Variants in ZNF618 observed in about 807,000 individuals in gnomAD.
ZNF618 encodes the protein zinc finger protein 618.
In ZNF618, 34 loss-of-function variants were observed where a neutral mutation model predicts 103.0. That is an observed-to-expected ratio of 0.33 (90% CI 0.25 to 0.44). The LOEUF (loss-of-function observed/expected upper bound fraction) is 0.44, where lower values mean the gene tolerates loss of function less well. ZNF618 is among the 20% of genes least tolerant of loss of function. The pLI is 1.00. For missense variants in ZNF618, 1,059 were observed against 1,295.4 expected, an observed-to-expected ratio of 0.82 and a Z score of 2.80; for synonymous variants, 551 against 542.2, an observed-to-expected ratio of 1.02 and a Z score of -0.23.
intron 1 of ZNF618, among the ~76,000 whole-genome samples, chr9:113,957,704 G>A (rs368260836): frequency 3.3e-5 from 5 of 152,090 alleles, no homozygotes; most frequent in African/African-American, 1.2e-4. Flanking sequence ...ACCTAAGGGG[G>A]TGACTTAAAG....
chr9:113,889,172 A>G (rs1829359943), intron 1 of ZNF618, among the ~76,000 whole-genome samples: 2 of 152,188 alleles, frequency 1.3e-5, no homozygotes, highest in South Asian at 4.1e-4. Flanking sequence ...TCAGTTGGTC[A>G]GTTCTGGCTC....
intron 1 of ZNF618, among the ~76,000 whole-genome samples, chr9:113,942,504 A>G (rs1282867588): frequency 6.6e-6 from 1 of 152,176 alleles, no homozygotes. Flanking sequence ...AGCTTGATCT[A>G]TATCTGGCAT....
At chr9:113,938,548 C>T (rs1303992209) in intron 1 of ZNF618, among the ~76,000 whole-genome samples, 1 of 149,838 alleles carries the variant, frequency 6.7e-6, no homozygotes, top group South Asian at 2.1e-4. Flanking sequence ...TGTGATTCCT[C>T]CTCCCATTAT....
At chr9:114,046,091 T>G (rs1845623952) in intron 13 of ZNF618, among the ~76,000 whole-genome samples, 1 of 152,272 alleles carries the variant, frequency 6.6e-6, no homozygotes, top group Admixed American at 6.5e-5. Context: ...CTCGCTGAAT[T>G]TATTACTTCT....
intron 6 of ZNF618, among the ~76,000 whole-genome samples, chr9:114,005,762 G>C (rs971712104): frequency 2.6e-5 from 4 of 152,208 alleles, no homozygotes; most frequent in African/African-American, 9.6e-5. Flanking sequence ...TGTCTAAGTT[G>C]ATTGCTGGCT....
Position 114,032,656 on chromosome 9 carries a change from T to G in ZNF618, c.1096T>G (p.Phe366Val). 6.2e-7 allele frequency: 1 copy of G among 1,614,000 alleles called. No homozygotes were observed. Among genetic ancestry groups the G allele is most frequent in the Middle Eastern group, 1.6e-4 (1 of 6,062 alleles). Residue 366 changes from phenylalanine to valine, a missense_variant, in exon 12 of 15, where the codon TTC (phenylalanine) becomes GTC (valine). By Grantham distance (50) the Phe-to-Val change is conservative. Around this residue, in one of 6 missense-constraint regions of ZNF618, gnomAD observed 434 missense variants for 476.0 expected, o/e 0.91. Transcript: ENST00000374126. ...TGTCCCCCACCCAGCAGAAAGCGCT[T>G]TCAGTCGGAGAGTAGAAGGCAAAGC... ...ASKATAAESA[F>V]SRRVEGKAQN...
chr9:114,034,622 G>T (rs1218159815), intron 12 of ZNF618, among the ~76,000 whole-genome samples: 1 of 152,146 alleles, frequency 6.6e-6, no homozygotes, highest in Non-Finnish European at 1.5e-5. Context: ...TGCTGCCCTA[G>T]GTCCCCCAGA....
intron 1 of ZNF618, among the ~76,000 whole-genome samples, chr9:113,890,470 T>G (rs1829519028): frequency 6.6e-6 from 1 of 152,240 alleles, no homozygotes; most frequent in African/African-American, 2.4e-5. Flanking sequence ...ATTATTTTAC[T>G]GACTACATTG....
intron 1 of ZNF618, among the ~76,000 whole-genome samples, chr9:113,952,152 G>C (rs1258583725): frequency 1.3e-5 from 2 of 152,146 alleles, no homozygotes; most frequent in Non-Finnish European, 2.9e-5. Flanking sequence ...AAGCCAGGAA[G>C]AGGGGAATAA....
At chr9:114,024,368 T>G (rs79196441) in intron 10 of ZNF618, among the ~76,000 whole-genome samples, 13,517 of 152,298 alleles carry the variant, frequency 0.089, 699 homozygotes, top group African/African-American at 0.14. Context: ...TTTCTCTTGA[T>G]TACTGGTCAC....
intron 9 of ZNF618, among the ~76,000 whole-genome samples, chr9:114,013,481 A>C (rs960897189): frequency 1.3e-5 from 2 of 152,088 alleles, no homozygotes; most frequent in Non-Finnish European, 2.9e-5. Flanking sequence ...CCCAGGCTGG[A>C]GTGCAGTGGC....
chr9:114,011,045 G>GAC lies in ZNF618; in HGVS notation c.754+2491_754+2492insAC, dbSNP rs1426248356. The stretch of plus-strand genomic sequence containing the variant: ...CACCAAGCACCTGGCTCATATCCAA[G>GAC]GTGTAGGGAGACCTGTTACTGAGAA... On this transcript the variant is annotated intron_variant, in intron 9 of 14. Coordinates refer to ENST00000374126, the MANE Select transcript of ZNF618 (RefSeq NM_001318042.2). Among the ~76,000 whole-genome samples the GAC allele has an allele frequency of 3.3e-5, 5 of 152,288 alleles. No individual in the cohort carries two copies. The South Asian group carries it at 1.0e-3, about 32-fold the overall frequency.
intron 9 of ZNF618, 105 bp downstream of exon 9, chr9:114,008,659 T>A: frequency 2.2e-6 from 3 of 1,334,124 alleles, no homozygotes; most frequent in Non-Finnish European, 3.2e-6. Context: ...TGGCATCACT[T>A]AACTGCAGCA....
chr9:113,975,995 G>T (rs896712820), intron 2 of ZNF618, among the ~76,000 whole-genome samples: 9 of 152,178 alleles, frequency 5.9e-5, no homozygotes, highest in African/African-American at 2.2e-4. Context: ...CTCCAAAGGG[G>T]CCGGTTGCTT....
At chr9:114,002,509 G>A (rs1479121749) in intron 5 of ZNF618, 115 bp from the exon 6 acceptor site, 9 of 1,158,530 alleles carry the variant, frequency 7.8e-6, no homozygotes, top group Non-Finnish European at 1.1e-5. Flanking sequence ...TCAGGGGCCC[G>A]GTGCGGGACT....
chr9:113,910,406 G>A (rs1831427067), intron 1 of ZNF618, among the ~76,000 whole-genome samples: 1 of 152,266 alleles, frequency 6.6e-6, no homozygotes, highest in South Asian at 2.1e-4. Context: ...AGCCAGCTGG[G>A]GTGGACCTGC....
chr9:114,008,479 C>G lies in ZNF618; in HGVS notation c.679C>G (p.Pro227Ala), dbSNP rs775640679. 7.4e-6 allele frequency: 12 copies of G among 1,613,904 alleles called. No homozygotes were observed. In the East Asian group the frequency reaches 2.5e-4, roughly 33 times the overall value. The change falls in exon 9 of 15, where the codon CCC becomes GCC. Residue 227 changes from proline (P) to alanine (A), a missense_variant and splice_region_variant. Coordinates refer to ENST00000374126, the MANE Select transcript of ZNF618 (RefSeq NM_001318042.2). The stretch of plus-strand genomic sequence containing the variant: ...AAGGGCCGTGTGTTCTCCCACAGAC[C>G]CCTTCGACCAAGGTGTCGTGGCCAC... ...VEGAPENRAD[P>A]FDQGVVATDE... is the part of the protein sequence containing the mutation.
intron 1 of ZNF618, among the ~76,000 whole-genome samples, chr9:113,932,634 TC>T (rs1413271693): frequency 6.6e-6 from 1 of 152,142 alleles, no homozygotes; most frequent in Non-Finnish European, 1.5e-5. Flanking sequence ...CAGCAGGACT[TC>T]CTGGCTTCCT....
intron 10 of ZNF618, among the ~76,000 whole-genome samples, chr9:114,020,856 AT>A (rs1843015335): frequency 6.6e-6 from 1 of 151,880 alleles, no homozygotes; most frequent in East Asian, 1.9e-4. Context: ...ATTAGTGAAT[AT>A]TTTTTGCCAT....
Sources: gnomAD v4.1 joint callset for allele counts (sites outside exome capture counted in the v4.1 genomes callset) on GRCh38, gnomAD v4.1.1 for gene constraint, gnomAD v4.1.1 regional missense constraint, MANE v1.5 for transcripts, NCBI Gene and HGNC (gene_info 2026-07-23, HGNC 2026-07-21) for gene names.